Variants in USP15 observed in about 807,000 individuals in gnomAD.
USP15 encodes the protein ubiquitin specific peptidase 15, also known as ubiquitin carboxyl-terminal hydrolase 15.
In USP15, 18 loss-of-function variants were observed where a neutral mutation model predicts 127.1. That is an observed-to-expected ratio of 0.14 (90% CI 0.10 to 0.21). The LOEUF is 0.21. Among genes scored for constraint, USP15 ranks in the 10% least tolerant of loss-of-function variants. The pLI is 1.00. For synonymous variants in USP15, 364 were observed against 393.7 expected (o/e 0.92, Z 0.89); for missense variants, 805 against 1,159.9 (o/e 0.69, Z 4.44).
intron 8 of USP15, among the ~76,000 whole-genome samples, chr12:62,371,971 C>G (rs1287196236): frequency 6.6e-6 from 1 of 152,012 alleles, no homozygotes; most frequent in Non-Finnish European, 1.5e-5. Flanking sequence ...ATAACGCTTA[C>G]TAAATTTACT....
At chr12:62,389,148 GAT>G (rs2067247201) in intron 11 of USP15, among the ~76,000 whole-genome samples, 1 of 152,036 alleles carries the variant, frequency 6.6e-6, no homozygotes, top group African/African-American at 2.4e-5. Context: ...AACAAAAAAA[GAT>G]AGCAAAAGTG....
At chr12:62,303,125 T>C in intron 3 of USP15, 1 of 471,132 alleles carries the variant, frequency 2.1e-6, no homozygotes, top group Non-Finnish European at 3.8e-6. Flanking sequence ...GTATTATTGA[T>C]TAATCCTCTA....
intron 6 of USP15, among the ~76,000 whole-genome samples, chr12:62,331,801 T>A: frequency 6.6e-6 from 1 of 152,200 alleles, no homozygotes; most frequent in Non-Finnish European, 1.5e-5. Context: ...TGTATATGCT[T>A]TTAATCAGCA....
At chr12:62,336,248 C>G in intron 6 of USP15, 3 of 985,424 alleles carry the variant, frequency 3.0e-6, no homozygotes, top group Non-Finnish European at 3.6e-6. Flanking sequence ...GACTAGACCA[C>G]TTTTCTGAAT....
At chr12:62,343,296 A>G (rs969277984) in intron 6 of USP15, among the ~76,000 whole-genome samples, 1 of 152,032 alleles carries the variant, frequency 6.6e-6, no homozygotes, top group Non-Finnish European at 1.5e-5. Context: ...TCAACTCCAG[A>G]CCTGTGCTGG....
chr12:62,285,249 C>G (rs1362817567), intron 1 of USP15, among the ~76,000 whole-genome samples: 1 of 152,138 alleles, frequency 6.6e-6, no homozygotes, highest in Non-Finnish European at 1.5e-5. Context: ...TCATCCCTCT[C>G]CTGCCTCCCA....
chr12:62,361,506 AG>A (rs1362456503), intron 8 of USP15, among the ~76,000 whole-genome samples: 1 of 152,070 alleles, frequency 6.6e-6, no homozygotes, highest in Non-Finnish European at 1.5e-5. Context: ...TGGCTAGGAA[AG>A]GCCAACACCA....
intron 8 of USP15, among the ~76,000 whole-genome samples, chr12:62,362,462 A>G (rs1396605217): frequency 6.6e-6 from 1 of 152,204 alleles, no homozygotes; most frequent in African/African-American, 2.4e-5. Context: ...TCAGAATGTT[A>G]AAAACTATTC....
chr12:62,264,028 G>T (rs192526346), intron 1 of USP15, among the ~76,000 whole-genome samples: 2 of 152,024 alleles, frequency 1.3e-5, no homozygotes, highest in Non-Finnish European at 2.9e-5. Context: ...TCGCTGTGTC[G>T]CCCAGGCTAG....
intron 6 of USP15, among the ~76,000 whole-genome samples, chr12:62,337,632 GC>G (rs768818407): frequency 7.8e-5 from 10 of 127,780 alleles, no homozygotes; most frequent in Non-Finnish European, 1.7e-4. Context: ...CCCTCCCCTT[GC>G]CCCCACCCCC....
chr12:62,282,533 A>C lies in USP15; in HGVS notation c.90-11646A>C, dbSNP rs146600813. Among the ~76,000 whole-genome samples, 372 of 152,276 alleles carry C rather than the reference A, an allele frequency of 2.4e-3. 1 individual carries two copies. The highest frequency in any genetic ancestry group is 8.7e-3 in the African/African-American group (361 of 41,570). On this transcript the variant is annotated intron_variant, in intron 1 of 21. Coordinates refer to ENST00000280377, the MANE Select transcript of USP15 (RefSeq NM_001252078.2). ...AATGCATAGGTGATGAGATGACATG[A>C]GGTAAATGACATAGGCATTGTGATG...
At chr12:62,293,620 C>A (rs921873010) in intron 1 of USP15, among the ~76,000 whole-genome samples, 1 of 152,074 alleles carries the variant, frequency 6.6e-6, no homozygotes, top group African/African-American at 2.4e-5. Flanking sequence ...CCTTCCAAAG[C>A]GCTGGGATTA....
intron 3 of USP15, chr12:62,313,906 G>A (rs1023340768): frequency 1.2e-5 from 3 of 254,732 alleles, no homozygotes; most frequent in African/African-American, 6.9e-5. Context: ...ATGTAAGCTT[G>A]TGAGTATATC....
intron 6 of USP15, among the ~76,000 whole-genome samples, chr12:62,331,555 C>T (rs2065302016): frequency 6.6e-6 from 1 of 152,142 alleles, no homozygotes; most frequent in Non-Finnish European, 1.5e-5. Flanking sequence ...CACAAGTAGG[C>T]ACACGTGAAA....
At chr12:62,338,459 G>T in intron 6 of USP15, among the ~76,000 whole-genome samples, 1 of 152,036 alleles carries the variant, frequency 6.6e-6, no homozygotes, top group East Asian at 1.9e-4. Flanking sequence ...TTCTTTTCCT[G>T]TGTAGAAGCT....
At chr12:62,371,644 A>G (rs1215685695) in intron 8 of USP15, among the ~76,000 whole-genome samples, 1 of 152,112 alleles carries the variant, frequency 6.6e-6, no homozygotes, top group African/African-American at 2.4e-5. Context: ...ACAAGTACCA[A>G]TCTGTGGTGG....
At chr12:62,287,667 C>G (rs1208835995) in intron 1 of USP15, among the ~76,000 whole-genome samples, 1 of 151,816 alleles carries the variant, frequency 6.6e-6, no homozygotes, top group African/African-American at 2.4e-5. Context: ...AGAGTTTTTC[C>G]TAGGTTTTTT....
At chr12:62,315,328 C>T (rs7970114) in intron 4 of USP15, among the ~76,000 whole-genome samples, 11,837 of 151,782 alleles carry the variant, frequency 0.078, 583 homozygotes, top group Middle Eastern at 0.16. Flanking sequence ...GCAGGCTTAG[C>T]GTTATTTTGA....
At chr12:62,394,482 A>C (rs1356574518) in intron 19 of USP15, among the ~76,000 whole-genome samples, 1 of 152,232 alleles carries the variant, frequency 6.6e-6, no homozygotes, top group African/African-American at 2.4e-5. Flanking sequence ...AGTGAAAAAA[A>C]GATCATTTTC....
Sources: gnomAD v4.1 joint callset for allele counts (sites outside exome capture counted in the v4.1 genomes callset) on GRCh38, gnomAD v4.1.1 for gene constraint, MANE v1.5 for transcripts, NCBI Gene and HGNC (gene_info 2026-07-23, HGNC 2026-07-21) for gene names.